FREM3: variants seen among roughly 807,000 people sequenced by gnomAD.
FREM3 encodes the protein FRAS1 related extracellular matrix 3.
In FREM3, 105 loss-of-function variants were observed where a neutral mutation model predicts 129.1. That is an observed-to-expected ratio of 0.81 (90% CI 0.69 to 0.96). FREM3 has a LOEUF of 0.96. Among genes scored for constraint, FREM3 ranks in the 40% least tolerant of loss-of-function variants. FREM3 has a pLI of 0.00. For synonymous variants in FREM3, 1,014 were observed against 1,044.9 expected, an observed-to-expected ratio of 0.97 and a Z score of 0.57; for missense variants, 2,593 against 2,666.3, an observed-to-expected ratio of 0.97 and a Z score of 0.61.
chr4:143,675,647 G>A (rs75309663), intron 2 of FREM3, among the ~76,000 whole-genome samples: 36,920 of 151,982 alleles, frequency 0.24, 5,610 homozygotes, highest in South Asian at 0.33. Context: ...CTGCTAGAAG[G>A]ACTAATAAAG....
intron 4 of FREM3, among the ~76,000 whole-genome samples, chr4:143,622,179 T>C (rs1433332477): frequency 5.3e-5 from 8 of 151,774 alleles, no homozygotes; most frequent in South Asian, 2.1e-4. Flanking sequence ...CTGAAACCTT[T>C]GTCTCCCAGG....
rs1408068616 is a variant in FREM3 at position 143,677,117 on chromosome 4, G to T, written c.5275+15996C>A. Among the ~76,000 whole-genome samples, 3 of 152,272 alleles carry T rather than the reference G, an allele frequency of 2.0e-5. No homozygotes were observed. The East Asian group carries it at 5.8e-4, about 29-fold the overall frequency. On this transcript the variant is annotated intron_variant, in intron 2 of 7. Coordinates refer to ENST00000329798, the MANE Select transcript of FREM3 (RefSeq NM_001168235.2). ...CTAAGCCAAAAGAACAAAGCTGGAG[G>T]CATCACGCTACCTGACTTCAGACTA... is the stretch of plus-strand genomic sequence containing the variant.
intron 2 of FREM3, among the ~76,000 whole-genome samples, chr4:143,661,470 G>A (rs1739722079): frequency 6.6e-6 from 1 of 151,888 alleles, no homozygotes; most frequent in Non-Finnish European, 1.5e-5. Context: ...GCTTTTTGAT[G>A]TGCTGCTGGA....
rs1739529736 is a variant in FREM3, at chr4:143,652,454, G to A, written c.5276-24694C>T. 5.1e-5 allele frequency among the ~76,000 whole-genome samples: 2 copies of A among 39,600 alleles called. 1 individual carries two copies. The highest frequency in any genetic ancestry group is 1.8e-3 in the South Asian group (2 of 1,106). The allele number at this position is 39,600 out of a possible 152,430, so 26.0% of individuals were successfully genotyped here. On this transcript the variant is annotated intron_variant, in intron 2 of 7. Coordinates refer to ENST00000329798, the MANE Select transcript of FREM3 (RefSeq NM_001168235.2). ...TGGGATTACAGGCGTGAGCCACCGC[G>A]CCCGGCCCTTTTTCCTTTCTTAAAA...
intron 5 of FREM3, 43 bp downstream of exon 5, chr4:143,620,994 C>T (rs1226894032): frequency 3.3e-6 from 5 of 1,528,190 alleles, no homozygotes; most frequent in Non-Finnish European, 4.4e-6. Flanking sequence ...GTCTTGTTCT[C>T]ATCATCTTAT....
rs1389861559 is a variant in FREM3, at chr4:143,696,865, C to T, written c.3811G>A (p.Asp1271Asn). 1 of 1,537,742 alleles carries T rather than the reference C, an allele frequency of 6.5e-7. No individual in the cohort carries two copies. Among genetic ancestry groups the T allele is most frequent in the African/African-American group, 1.4e-5 (1 of 73,160 alleles). Residue 1271 changes from aspartate to asparagine, a missense_variant, in exon 1 of 8, where the codon GAT (aspartate) becomes AAT (asparagine). By Grantham distance (23) the Asp-to-Asn change is conservative. Transcript: ENST00000329798. ...QEASTIVYEH[D>N]DSETKEDSFE... The stretch of plus-strand genomic sequence containing the variant: ...CTGTCCTCTTTTGTCTCTGAGTCAT[C>T]ATGCTCATACACAATGGTGGAGGCC...
At chr4:143,667,614 T>G (rs1017480739) in intron 2 of FREM3, among the ~76,000 whole-genome samples, 2 of 152,196 alleles carry the variant, frequency 1.3e-5, no homozygotes, top group African/African-American at 4.8e-5. Context: ...AGAGACCACA[T>G]GCCATTTTCA....
At chr4:143,680,420 T>C (rs192177443) in intron 2 of FREM3, among the ~76,000 whole-genome samples, 2 of 152,204 alleles carry the variant, frequency 1.3e-5, no homozygotes, top group Admixed American at 6.5e-5. Context: ...TGTATCATCT[T>C]CTAAGGCCCA....
At chr4:143,639,164 C>T (rs962693857) in intron 2 of FREM3, among the ~76,000 whole-genome samples, 1 of 152,086 alleles carries the variant, frequency 6.6e-6, no homozygotes, top group Non-Finnish European at 1.5e-5. Flanking sequence ...CAGTTCTTCA[C>T]CCGCAGAAAT....
At chr4:143,591,661 T>G (rs1369840157) in intron 6 of FREM3, among the ~76,000 whole-genome samples, 1 of 152,188 alleles carries the variant, frequency 6.6e-6, no homozygotes, top group Non-Finnish European at 1.5e-5. Context: ...TACTTCCAAC[T>G]ATGTGGTCAG....
At chr4:143,686,841 A>ATTC (rs1740375785) in intron 2 of FREM3, among the ~76,000 whole-genome samples, 1 of 152,142 alleles carries the variant, frequency 6.6e-6, no homozygotes, top group East Asian at 1.9e-4. Flanking sequence ...CTAAGAGAAA[A>ATTC]GTTCATAGCC....
chr4:143,604,382 C>A (rs1738630207), intron 6 of FREM3, among the ~76,000 whole-genome samples: 1 of 152,096 alleles, frequency 6.6e-6, no homozygotes, highest in Non-Finnish European at 1.5e-5. Flanking sequence ...AAAACTTAAA[C>A]CTCTTCTTCA....
At chr4:143,630,337 G>C (rs951772019) in intron 2 of FREM3, among the ~76,000 whole-genome samples, 1 of 152,108 alleles carries the variant, frequency 6.6e-6, no homozygotes, top group African/African-American at 2.4e-5. Flanking sequence ...CTACTGACTG[G>C]TTAATACATC....
Position 143,697,912 on chromosome 4 carries a change from C to T in FREM3, c.2764G>A (p.Gly922Arg). 1.3e-6 allele frequency: 2 copies of T among 1,537,858 alleles called. No homozygotes were observed. The highest frequency in any genetic ancestry group is 4.9e-5 in the East Asian group (2 of 40,914). ...ATGGTGATGGGTATATGGTGCACCC[C>T]ATCACTTACTTCCAGATGGAAAGTG... ...SDTFHLEVSD[G>R]VHHIPITIPI... The change falls in exon 1 of 8, where the codon GGG becomes AGG. Residue 922 changes from glycine to arginine, a missense_variant. Physicochemically the swap from Gly to Arg is moderately radical, Grantham distance 125. Transcript: ENST00000329798.
chr4:143,683,455 C>G (rs894365856), intron 2 of FREM3, among the ~76,000 whole-genome samples: 1 of 152,210 alleles, frequency 6.6e-6, no homozygotes, highest in Non-Finnish European at 1.5e-5. Context: ...ACTTTACCTG[C>G]AGCTGAGTCA....
Position 143,696,004 on chromosome 4 carries a change from G to A in FREM3, c.4672C>T (p.Leu1558Phe). The change falls in exon 1 of 8, where the codon CTT (leucine) becomes TTT (phenylalanine). Residue 1558 changes from leucine to phenylalanine, a missense_variant. Physicochemically the swap from Leu to Phe is conservative, Grantham distance 22. Transcript: ENST00000329798. ...QKEDSQLITLLELTVEDSDTP... is the reference protein window; with the variant it reads ...QKEDSQLITLFELTVEDSDTP... ...TCACTGTCTTCCACTGTCAACTCAA[G>A]GAGAGTGATCAGTTGGCTATCCTCT... is the stretch of plus-strand genomic sequence containing the variant. 5 of 1,537,888 alleles carry A rather than the reference G, an allele frequency of 3.3e-6. No homozygotes were observed. Among genetic ancestry groups the A allele is most frequent in the South Asian group, 1.2e-5 (1 of 84,058 alleles).
chr4:143,613,294 G>A (rs1052170152), intron 5 of FREM3, among the ~76,000 whole-genome samples: 13 of 152,194 alleles, frequency 8.5e-5, no homozygotes, highest in Non-Finnish European at 1.6e-4. Flanking sequence ...ACAGGCACAA[G>A]GGGAACTATC....
In FREM3 at chr4:143,664,400, C is replaced by T. The variant is rs571473642; in HGVS notation, c.5275+28713G>A. On this transcript the variant is annotated intron_variant, in intron 2 of 7. Transcript: ENST00000329798. ...CAGCAGCGGTGTCTGCAGAACAGCA[C>T]ATTTTTGTGAACCACGAATGCTGCT... 1.1e-3 allele frequency among the ~76,000 whole-genome samples: 163 copies of T among 152,204 alleles called. 2 individuals carry two copies. The highest frequency in any genetic ancestry group is 3.7e-3 in the African/African-American group (155 of 41,558).
At chr4:143,658,164 A>G (rs1739634190) in intron 2 of FREM3, among the ~76,000 whole-genome samples, 1 of 152,250 alleles carries the variant, frequency 6.6e-6, no homozygotes, top group African/African-American at 2.4e-5. Context: ...TGGTCTGAAC[A>G]TTTGTGTCCC....
Sources: allele counts gnomAD v4.1 joint callset (sites outside exome capture counted in the v4.1 genomes callset), GRCh38; gene constraint gnomAD v4.1.1; transcripts MANE v1.5; gene names NCBI Gene and HGNC (gene_info 2026-07-23, HGNC 2026-07-21).